Variants in VAV2 observed in about 807,000 individuals in gnomAD.
VAV2 encodes the protein guanine nucleotide exchange factor VAV2.
A neutral mutation model predicts 132.5 loss-of-function variants in VAV2; 67 were observed. The observed-to-expected ratio is 0.51, with a 90% CI of 0.42 to 0.62. The LOEUF (loss-of-function observed/expected upper bound fraction) is 0.62, where lower values mean the gene tolerates loss of function less well. VAV2 is among the 20% of genes least tolerant of loss of function. The probability of loss-of-function intolerance (pLI) is 0.00; values close to 1 mark genes in which losing one functional copy is unlikely to be tolerated. For synonymous variants in VAV2, 492 were observed against 443.5 expected (o/e 1.11, Z -1.37); for missense variants, 938 against 1,153.6 (o/e 0.81, Z 2.71).
At chr9:133,900,110 G>T (rs1236415996) in intron 2 of VAV2, among the ~76,000 whole-genome samples, 1 of 151,614 alleles carries the variant, frequency 6.6e-6, no homozygotes, top group Non-Finnish European at 1.5e-5. Flanking sequence ...AAGGCAGGAA[G>T]GATCACTGGA....
chr9:133,927,044 C>A (rs980982086), intron 2 of VAV2, among the ~76,000 whole-genome samples: 1 of 152,216 alleles, frequency 6.6e-6, no homozygotes, highest in Non-Finnish European at 1.5e-5. Context: ...ACCCAGCATC[C>A]AGTCCTTGCT....
rs1465301516 is a variant in VAV2, at chr9:133,761,960, G to A, written c.*2102C>T. The A allele has an allele frequency of 6.6e-6, 1 of 152,634 alleles. No individual in the cohort carries two copies. The highest frequency in any genetic ancestry group is 1.5e-5 in the Non-Finnish European group (1 of 68,052). The allele number at this position is 152,634 out of a possible 1,614,324, so 9.5% of individuals were successfully genotyped here. ...GTCTGAAAAAAACCCATTGGCAAAT[G>A]TACAGTTTGTGTCCATTTGGGGTTC... is the stretch of plus-strand genomic sequence containing the variant. On this transcript the variant is annotated 3_prime_UTR_variant, in exon 30 of 30. Coordinates refer to ENST00000371850, the MANE Select transcript of VAV2 (RefSeq NM_001134398.2).
At position 133,935,443 on chromosome 9, in the gene VAV2, G is replaced by A. The variant is rs1349798444; in HGVS notation, c.321+3660C>T. ...CGGGAGGCCAGAGACCAGCAGCCTC[G>A]GCAAGTCCCCTCCCTGCTCTGACCC... On this transcript the variant is annotated intron_variant, in intron 2 of 29. Transcript: ENST00000371850. This position sits in a 1 kb window ranked among gnomAD's most constrained non-coding sequence, Gnocchi z 5.2. 3.3e-5 allele frequency among the ~76,000 whole-genome samples: 5 copies of A among 152,238 alleles called. No individual in the cohort carries two copies. Among genetic ancestry groups the A allele is most frequent in the African/African-American group, 7.2e-5 (3 of 41,560 alleles).
Position 133,990,465 on chromosome 9 carries a change from G to GC in VAV2, c.204+1609dup, listed in dbSNP as rs542315629. ...CCCAAACCACAGCTGGGGAGGGGCA[G>GC]CCCCCGGACCCAGCGAGTCCACCAG... is the stretch of plus-strand genomic sequence containing the variant. On this transcript the variant is annotated intron_variant, in intron 1 of 29. Transcript: ENST00000371850. Among the ~76,000 whole-genome samples, 365 of 152,256 alleles carry GC rather than the reference G, an allele frequency of 2.4e-3. 2 individuals carry two copies. The highest frequency in any genetic ancestry group is 8.5e-3 in the African/African-American group (352 of 41,546).
chr9:133,844,664 A>C (rs1035967266), intron 3 of VAV2, among the ~76,000 whole-genome samples: 1 of 152,208 alleles, frequency 6.6e-6, no homozygotes, highest in Non-Finnish European at 1.5e-5. Context: ...CTGGGCACTG[A>C]TGGGCCAGAG....
In VAV2 at chr9:133,768,394, G is replaced by A. The variant is rs768665969; in HGVS notation, c.2589+48C>T. The stretch of plus-strand genomic sequence containing the variant: ...TAGTCTGCCTGAGCCCGACCAGGTA[G>A]GGGCTGCAGCGAGGCCAGCCCCACA... On this transcript the variant is annotated intron_variant, in intron 29 of 29. Transcript: ENST00000371850. This position sits in a 1 kb window ranked among gnomAD's most constrained non-coding sequence, Gnocchi z 5.3. 3.1e-6 allele frequency: 5 copies of A among 1,594,486 alleles called. No homozygotes were observed. Among genetic ancestry groups the A allele is most frequent in the African/African-American group, 1.3e-5 (1 of 74,708 alleles).
rs1835887855 is a variant in VAV2, at chr9:133,823,939, C to T, written c.449+10333G>A. Among the ~76,000 whole-genome samples the T allele has an allele frequency of 6.6e-6, 1 of 152,236 alleles. No homozygotes were observed. The highest frequency in any genetic ancestry group is 2.4e-5 in the African/African-American group (1 of 41,536). ...CTGCGTGCGTCAGAGGGTTCCCCTG[C>T]GATCTCCCACTGAGAAGGAACAAAC... On this transcript the variant is annotated intron_variant, in intron 4 of 29. Coordinates refer to ENST00000371850, the MANE Select transcript of VAV2 (RefSeq NM_001134398.2). The surrounding 1 kb of genome is among the most constrained non-coding windows in gnomAD (Gnocchi z 5.5).
rs552496774 is a variant in VAV2 at position 133,861,386 on chromosome 9, T to A, written c.368A>T (p.Asn123Ile). 6.2e-7 allele frequency: 1 copy of A among 1,613,310 alleles called. No individual in the cohort carries two copies. The highest frequency in any genetic ancestry group is 1.1e-5 in the South Asian group (1 of 90,898). ...CCGGAGAGCTCACCTGATCCCTTTG[T>A]TCTGCGCGATGCTGTGCAGGGAGAG... ...SRLSLHSIAQNKGIRPFPSEE... is the reference protein window; with the variant it reads ...SRLSLHSIAQIKGIRPFPSEE... Residue 123 changes from asparagine (N) to isoleucine (I), a missense_variant, in exon 3 of 30, where the codon AAC becomes ATC. By Grantham distance (149) the Asn-to-Ile change is moderately radical. Coordinates refer to ENST00000371850, the MANE Select transcript of VAV2 (RefSeq NM_001134398.2).
chr9:133,918,398 TACC>T lies in VAV2; in HGVS notation c.321+20702_321+20704del, dbSNP rs1333969172. ...CCCAGGCCCAGCTGCTAGCCCGGGC[TACC>T]ACCACCACCAGGAAACACTCAGAAA... is the stretch of plus-strand genomic sequence containing the variant. On this transcript the variant is annotated intron_variant, in intron 2 of 29. Transcript: ENST00000371850. This position sits in a 1 kb window ranked among gnomAD's most constrained non-coding sequence, Gnocchi z 4.7. Among the ~76,000 whole-genome samples, 1 of 150,950 alleles carries T rather than the reference TACC, an allele frequency of 6.6e-6. No homozygotes were observed. Among genetic ancestry groups the T allele is most frequent in the African/African-American group, 2.4e-5 (1 of 41,050 alleles).
intron 9 of VAV2, among the ~76,000 whole-genome samples, chr9:133,799,427 C>T (rs1410161496): frequency 6.6e-6 from 1 of 152,218 alleles, no homozygotes; most frequent in East Asian, 1.9e-4. Flanking sequence ...GCGAGGCTGA[C>T]AGTCCACGAC....
intron 1 of VAV2, among the ~76,000 whole-genome samples, chr9:133,983,926 C>G (rs1842776695): frequency 6.6e-6 from 1 of 152,166 alleles, no homozygotes; most frequent in Non-Finnish European, 1.5e-5. Context: ...CCTAATCTCC[C>G]TCCCTGCATG....
At chr9:133,907,509 A>G (rs1173699250) in intron 2 of VAV2, among the ~76,000 whole-genome samples, 1 of 152,234 alleles carries the variant, frequency 6.6e-6, no homozygotes, top group Non-Finnish European at 1.5e-5. Flanking sequence ...CAGCTGGTTC[A>G]GCAAACCCAG....
In VAV2 at chr9:133,879,731, T is replaced by C. The variant is rs542288768; in HGVS notation, c.322-18299A>G. Among the ~76,000 whole-genome samples the C allele has an allele frequency of 8.5e-4, 129 of 152,158 alleles. No homozygotes were observed. Among genetic ancestry groups the C allele is most frequent in the African/African-American group, 2.9e-3 (121 of 41,514 alleles). ...AAAGCAGAACCTATCCGAGAATCCCTACCGCCTTGCGAGCTGCAAGTCCGA... is the reference window on the plus strand; with the variant it reads ...AAAGCAGAACCTATCCGAGAATCCCCACCGCCTTGCGAGCTGCAAGTCCGA... On this transcript the variant is annotated intron_variant, in intron 2 of 29. Coordinates refer to ENST00000371850, the MANE Select transcript of VAV2 (RefSeq NM_001134398.2). The surrounding 1 kb of genome is among the most constrained non-coding windows in gnomAD (Gnocchi z 4.4).
At chr9:133,838,459 G>A in intron 3 of VAV2, among the ~76,000 whole-genome samples, 1 of 101,102 alleles carries the variant, frequency 9.9e-6, no homozygotes, top group African/African-American at 5.1e-5. Flanking sequence ...GGGTAAGTAG[G>A]TGGGTGGGTG....
chr9:133,856,439 C>T (rs1006114137), intron 3 of VAV2, among the ~76,000 whole-genome samples: 2 of 150,034 alleles, frequency 1.3e-5, no homozygotes, highest in East Asian at 3.9e-4. Flanking sequence ...CCCACCGGGA[C>T]CCCATGCTGG....
chr9:133,861,217 G>A (rs1837580261), intron 3 of VAV2, 157 bp downstream of exon 3: 5 of 746,510 alleles, frequency 6.7e-6, no homozygotes, highest in South Asian at 5.5e-5. Context: ...ACCCCTTCCT[G>A]CAGCCGCCAA....
rs540379082 is a variant in VAV2 at position 133,883,250 on chromosome 9, G to A, written c.322-21818C>T. Reference sequence around the variant, plus strand: ...TCATTTCACGTTCCCCTAATCATGCGAAGAGCCCTGGTAATTGACAACGAT... The same window carrying A: ...TCATTTCACGTTCCCCTAATCATGCAAAGAGCCCTGGTAATTGACAACGAT... On this transcript the variant is annotated intron_variant, in intron 2 of 29. Coordinates refer to ENST00000371850, the MANE Select transcript of VAV2 (RefSeq NM_001134398.2). The surrounding 1 kb of genome is among the most constrained non-coding windows in gnomAD (Gnocchi z 4.2). Among the ~76,000 whole-genome samples the A allele has an allele frequency of 9.8e-5, 15 of 152,326 alleles. No homozygotes were observed. The South Asian group carries it at 3.1e-3, about 32-fold the overall frequency.
intron 10 of VAV2, among the ~76,000 whole-genome samples, 153 bp downstream of exon 10, chr9:133,797,556 CA>C (rs1179873703): frequency 1.3e-5 from 2 of 152,140 alleles, no homozygotes; most frequent in African/African-American, 4.8e-5. Flanking sequence ...CAACACAATG[CA>C]AAAAAGAAAA....
chr9:133,768,402 A>G lies in VAV2; in HGVS notation c.2589+40T>C, dbSNP rs774460824. 1.6e-5 allele frequency: 26 copies of G among 1,600,514 alleles called. 1 individual carries two copies. The South Asian group carries it at 2.8e-4, about 17-fold the overall frequency. Reference sequence around the variant, plus strand: ...CTGAGCCCGACCAGGTAGGGGCTGCAGCGAGGCCAGCCCCACACCCTCAGG... The same window carrying G: ...CTGAGCCCGACCAGGTAGGGGCTGCGGCGAGGCCAGCCCCACACCCTCAGG... On this transcript the variant is annotated intron_variant, in intron 29 of 29. Transcript: ENST00000371850. The surrounding 1 kb of genome is among the most constrained non-coding windows in gnomAD (Gnocchi z 5.3).
Sources: gnomAD v4.1 joint callset for allele counts (sites outside exome capture counted in the v4.1 genomes callset) on GRCh38, gnomAD v4.1.1 for gene constraint, Gnocchi (gnomAD v3.1) non-coding constraint, MANE v1.5 for transcripts, NCBI Gene and HGNC (gene_info 2026-07-23, HGNC 2026-07-21) for gene names.